UNC45B: variants seen among roughly 807,000 people sequenced by gnomAD.
The protein encoded by UNC45B is protein unc-45 homolog B.
In UNC45B, 78 loss-of-function variants were observed where a neutral mutation model predicts 98.7. That is an observed-to-expected ratio of 0.79 (90% CI 0.66 to 0.95). The LOEUF is 0.95. Ranked by LOEUF, UNC45B falls within the 40% of genes least tolerant of loss-of-function variation. UNC45B has a pLI of 0.00. For missense variants in UNC45B, 1,225 were observed against 1,184.9 expected (o/e 1.03, Z -0.50); for synonymous variants, 462 against 480.4 (o/e 0.96, Z 0.50).
chr17:35,177,701 C>A, intron 17 of UNC45B, 91 bp downstream of exon 17: 2 of 977,836 alleles, frequency 2.0e-6, no homozygotes, highest in Non-Finnish European at 3.1e-6. Flanking sequence ...ATGCTCTTCT[C>A]TGAAGACAAC....
In UNC45B at chr17:35,164,122, C is replaced by T. The variant is rs746531584; in HGVS notation, c.1107C>T (p.Asp369=). ...AGCTCTATGATGACCTGCGCTGTGA[C>T]CCGGAGCGCGATCACTTCCGCAAGA... The part of the protein sequence containing the change: ...INKLYDDLRC[D]PERDHFRKIC... The change falls in exon 9 of 20, where the codon GAC becomes GAT. Residue 369 remains aspartate, a synonymous_variant. Transcript: ENST00000394570. The T allele has an allele frequency of 1.9e-6, 3 of 1,613,708 alleles. No homozygotes were observed. The highest frequency in any genetic ancestry group is 1.1e-5 in the South Asian group (1 of 91,018).
intron 19 of UNC45B, 116 bp downstream of exon 19, chr17:35,183,698 C>T: frequency 8.7e-7 from 1 of 1,152,424 alleles, no homozygotes; most frequent in East Asian, 2.9e-5. Flanking sequence ...CCCCTCGCAG[C>T]CCCCAGGCTT....
rs772193197 is a variant in UNC45B at position 35,171,344 on chromosome 17, A to T, written c.1712A>T (p.Tyr571Phe). Residue 571 changes from tyrosine to phenylalanine, a missense_variant, in exon 13 of 20, where the codon TAC (tyrosine) becomes TTC (phenylalanine). Tyr to Phe is a conservative substitution (Grantham distance 22). Transcript: ENST00000394570. ...LAKTSDKTIL[Y>F]SVATTLVNCT... ...CAGACCAGTGACAAGACCATCCTGTACTCGGTGGCCACCACCCTGGTGAAC... is the reference window on the plus strand; with the variant it reads ...CAGACCAGTGACAAGACCATCCTGTTCTCGGTGGCCACCACCCTGGTGAAC... 1.2e-6 allele frequency: 2 copies of T among 1,613,940 alleles called. No individual in the cohort carries two copies. The highest frequency in any genetic ancestry group is 2.2e-5 in the East Asian group (1 of 44,888).
At position 35,168,135 on chromosome 17, in the gene UNC45B, C is replaced by G; in HGVS notation, c.1226C>G (p.Pro409Arg). ...ACAGTGTCAGGGATCCTGCAGGGCC[C>G]CTTTGACCTGGGCAACCAGCTGCTG... The part of the protein sequence containing the change: ...IQTVSGILQG[P>R]FDLGNQLLGL... The change falls in exon 10 of 20, where the codon CCC (proline) becomes CGC (arginine). Residue 409 changes from proline (P) to arginine (R), a missense_variant. Physicochemically the swap from Pro to Arg is moderately radical, Grantham distance 103. Transcript: ENST00000394570. 1 of 1,598,972 alleles carries G rather than the reference C, an allele frequency of 6.3e-7. No individual in the cohort carries two copies. The highest frequency in any genetic ancestry group is 8.5e-7 in the Non-Finnish European group (1 of 1,172,162).
At position 35,187,815 on chromosome 17, in the gene UNC45B, A is replaced by G. The variant is rs1004122276; in HGVS notation, c.*1256A>G. ...CTAATATTGCCTTTTTAGCATGGTT[A>G]AGATAGCTAAGATCTAGTACTGTCA... On this transcript the variant is annotated 3_prime_UTR_variant, in exon 20 of 20. Transcript: ENST00000394570. 6.6e-6 allele frequency: 1 copy of G among 152,272 alleles called. No individual in the cohort carries two copies. Among genetic ancestry groups the G allele is most frequent in the African/African-American group, 2.4e-5 (1 of 41,472 alleles). The allele number at this position is 152,272 out of a possible 1,614,324, so 9.4% of individuals were successfully genotyped here. A position where few individuals can be genotyped will look rare whatever the true frequency, so the allele number is the denominator to read the frequency against.
At chr17:35,158,809 T>A (rs1340685603) in intron 7 of UNC45B, among the ~76,000 whole-genome samples, 1 of 152,210 alleles carries the variant, frequency 6.6e-6, no homozygotes, top group Non-Finnish European at 1.5e-5. Context: ...GCTTTACTTT[T>A]TGGTTTGCCT....
In UNC45B at chr17:35,187,508, T is replaced by A. The variant is rs1883252831; in HGVS notation, c.*949T>A. On this transcript the variant is annotated 3_prime_UTR_variant, in exon 20 of 20. Coordinates refer to ENST00000394570, the MANE Select transcript of UNC45B (RefSeq NM_001267052.2). ...AATAACCCGGCAAAGTTCCCAGGGA[T>A]GACTCTGATATGTCTATGTCTCAGG... The A allele has an allele frequency of 6.6e-6, 1 of 152,224 alleles. No individual in the cohort carries two copies. Among genetic ancestry groups the A allele is most frequent in the Non-Finnish European group, 1.5e-5 (1 of 68,050 alleles). The allele number at this position is 152,224 out of a possible 1,614,324, so 9.4% of individuals were successfully genotyped here. A position where few individuals can be genotyped will look rare whatever the true frequency, so the allele number is the denominator to read the frequency against.
chr17:35,157,782 A>G (rs910338909), intron 7 of UNC45B, among the ~76,000 whole-genome samples: 24 of 152,110 alleles, frequency 1.6e-4, no homozygotes, highest in Admixed American at 1.6e-3. Context: ...ATTTTTCTGT[A>G]TCTTTATTAG....
At chr17:35,166,010 G>C (rs939633605) in intron 9 of UNC45B, among the ~76,000 whole-genome samples, 31 of 148,414 alleles carry the variant, frequency 2.1e-4, no homozygotes, top group African/African-American at 7.5e-4. Context: ...TAGCATTTTG[G>C]GAGGCCGATG....
In UNC45B at chr17:35,154,732, C is replaced by G; in HGVS notation, c.630C>G (p.His210Gln). 1 of 1,589,062 alleles carries G rather than the reference C, an allele frequency of 6.3e-7. No individual in the cohort carries two copies. The change falls in exon 6 of 20, where the codon CAC (histidine) becomes CAG (glutamine). Residue 210 changes from histidine (H) to glutamine (Q), a missense_variant. Coordinates refer to ENST00000394570, the MANE Select transcript of UNC45B (RefSeq NM_001267052.2). ...VRTLSGMCSGHQARATVILHA... is the reference protein window; with the variant it reads ...VRTLSGMCSGQQARATVILHA... ...CCCTGTCGGGCATGTGCAGCGGCCACCAAGCCAGAGTAAGTGCCCGGCTGT... is the reference window on the plus strand; with the variant it reads ...CCCTGTCGGGCATGTGCAGCGGCCAGCAAGCCAGAGTAAGTGCCCGGCTGT...
At position 35,154,702 on chromosome 17, in the gene UNC45B, G is replaced by A. The variant is rs1321503609; in HGVS notation, c.600G>A (p.Val200=). ...TKKPELVLAA[V]RTLSGMCSGH... ...AGCCTGAGCTGGTGCTGGCTGCAGT[G>A]CGGACCCTGTCGGGCATGTGCAGCG... The change falls in exon 6 of 20, where the codon GTG becomes GTA. Residue 200 remains valine (V), a synonymous_variant. Coordinates refer to ENST00000394570, the MANE Select transcript of UNC45B (RefSeq NM_001267052.2). 2 of 1,607,466 alleles carry A rather than the reference G, an allele frequency of 1.2e-6. No homozygotes were observed. Among genetic ancestry groups the A allele is most frequent in the Non-Finnish European group, 1.7e-6 (2 of 1,178,126 alleles).
At chr17:35,169,415 A>T (rs903102816) in intron 10 of UNC45B, among the ~76,000 whole-genome samples, 2 of 152,192 alleles carry the variant, frequency 1.3e-5, no homozygotes, top group Non-Finnish European at 1.5e-5. Flanking sequence ...CCCTAAGAAA[A>T]GTCCAATTTT....
chr17:35,172,603 A>C (rs1269673544), intron 13 of UNC45B, among the ~76,000 whole-genome samples: 1 of 152,178 alleles, frequency 6.6e-6, no homozygotes. Flanking sequence ...GGTGCAGAGC[A>C]TGTGCTGTGG....
At chr17:35,180,777 T>C (rs1320999252) in intron 18 of UNC45B, 101 bp downstream of exon 18, 3 of 790,034 alleles carry the variant, frequency 3.8e-6, no homozygotes, top group Admixed American at 2.6e-5. Flanking sequence ...TATGATGGCA[T>C]TAAGGTAGCA....
Position 35,173,125 on chromosome 17 carries a change from C to CTTT in UNC45B, c.1831-1100_1831-1098dup, listed in dbSNP as rs11428951. ...TGTGGCCTAAAACGCAATTTTTATA[C>CTTT]TTTTTTTTTTTTTTTTTTTGAGACT... On this transcript the variant is annotated intron_variant, in intron 13 of 19. Transcript: ENST00000394570. Among the ~76,000 whole-genome samples the CTTT allele has an allele frequency of 1.1e-3, 140 of 126,110 alleles. 2 individuals carry two copies. The highest frequency in any genetic ancestry group is 1.7e-3 in the South Asian group (7 of 4,014). 82.7% of individuals were successfully genotyped at this position (126,110 alleles called of 152,430 possible).
intron 11 of UNC45B, 36 bp from the exon 12 acceptor site, chr17:35,170,078 G>A: frequency 6.2e-7 from 1 of 1,601,738 alleles, no homozygotes; most frequent in Non-Finnish European, 8.5e-7. Context: ...CCTAGCCCTG[G>A]GCCCCTTCCC....
At chr17:35,149,074 C>A in intron 3 of UNC45B, 65 bp downstream of exon 3, 1 of 1,585,510 alleles carries the variant, frequency 6.3e-7, no homozygotes, top group South Asian at 1.1e-5. Context: ...GGGTTTTAAT[C>A]TAGTTACCAT....
intron 4 of UNC45B, 97 bp downstream of exon 4, chr17:35,150,320 A>AT: frequency 7.5e-7 from 1 of 1,341,942 alleles, no homozygotes; most frequent in Non-Finnish European, 1.0e-6. Flanking sequence ...GGGCAGGGCT[A>AT]GCCCTACCTC....
intron 19 of UNC45B, among the ~76,000 whole-genome samples, chr17:35,184,386 A>G (rs7223004): frequency 0.29 from 44,337 of 152,102 alleles, 6,546 homozygotes; most frequent in Middle Eastern, 0.41. Context: ...AACTTGTTAG[A>G]ACAGTTTCCC....
Sources: gnomAD v4.1 joint callset for allele counts (sites outside exome capture counted in the v4.1 genomes callset) on GRCh38, gnomAD v4.1.1 for gene constraint, MANE v1.5 for transcripts, NCBI Gene and HGNC (gene_info 2026-07-23, HGNC 2026-07-21) for gene names.